Variants in PLBD2 observed in about 807,000 individuals in gnomAD.
PLBD2 encodes phospholipase B domain containing 2, also known as putative aminopeptidase PLBD2.
PLBD2 carries 51 observed loss-of-function variants against 68.3 expected under a neutral mutation model. The observed-to-expected ratio is 0.75, with a 90% CI of 0.60 to 0.94. The LOEUF is 0.94. Ranked by LOEUF, PLBD2 falls within the 40% of genes least tolerant of loss-of-function variation. The pLI, the probability that PLBD2 is intolerant of heterozygous loss-of-function variation, is 0.00. For synonymous variants in PLBD2, 314 were observed against 339.3 expected, an observed-to-expected ratio of 0.93 and a Z score of 0.82; for missense variants, 729 against 792.2, an observed-to-expected ratio of 0.92 and a Z score of 0.96.
Position 113,388,853 on chromosome 12 carries a change from C to T in PLBD2, c.*227C>T. On this transcript the variant is annotated 3_prime_UTR_variant, in exon 12 of 12. Transcript: ENST00000280800. Reference sequence around the variant, plus strand: ...CACCGTGGCGTCTCTTCTGCCCTGCCCTAAATCTCCCACTCTCTGTTTCTG... The same window carrying T: ...CACCGTGGCGTCTCTTCTGCCCTGCTCTAAATCTCCCACTCTCTGTTTCTG... 2.2e-6 allele frequency: 1 copy of T among 452,708 alleles called. No homozygotes were observed. The highest frequency in any genetic ancestry group is 2.0e-5 in the African/African-American group (1 of 49,348). The allele number at this position is 452,708 out of a possible 1,614,324, so 28.0% of individuals were successfully genotyped here.
intron 10 of PLBD2, 68 bp from the exon 11 acceptor site, chr12:113,387,676 G>A (rs1385324657): frequency 2.0e-6 from 3 of 1,528,716 alleles, no homozygotes; most frequent in African/African-American, 1.4e-5. Context: ...CTGCCTGTGA[G>A]GATTTTGGCC....
chr12:113,388,507 G>A lies in PLBD2; in HGVS notation c.1651G>A (p.Gly551Ser), dbSNP rs148942749. 234 of 1,607,266 alleles carry A rather than the reference G, an allele frequency of 1.5e-4. No homozygotes were observed. Among genetic ancestry groups the A allele is most frequent in the Non-Finnish European group, 1.7e-4 (204 of 1,178,532 alleles). The change falls in exon 12 of 12, where the codon GGT (glycine) becomes AGT (serine). Residue 551 changes from glycine (G) to serine (S), a missense_variant. Transcript: ENST00000280800. Reference sequence around the variant, plus strand: ...GATCCTGAGCCTGCTGGCGGCCAGCGGTCCCACGTGGGACCAGGTGCCCCC... The same window carrying A: ...GATCCTGAGCCTGCTGGCGGCCAGCAGTCCCACGTGGGACCAGGTGCCCCC... ...ARILSLLAAS[G>S]PTWDQVPPFQ...
chr12:113,364,427 A>G (rs1957323995), intron 1 of PLBD2, among the ~76,000 whole-genome samples: 1 of 148,522 alleles, frequency 6.7e-6, no homozygotes, highest in Non-Finnish European at 1.5e-5. Flanking sequence ...TCCTCCCATC[A>G]TCACACTCGC....
rs1320167166 is a variant in PLBD2 at position 113,389,407 on chromosome 12, G to C, written c.*781G>C. On this transcript the variant is annotated 3_prime_UTR_variant, in exon 12 of 12. Coordinates refer to ENST00000280800, the MANE Select transcript of PLBD2 (RefSeq NM_173542.4). ...ACAAGAGCGGCTGTGGCCCCATGCT[G>C]TGCTTCTTGGGGTGGCAGGGAAGGT... 6.6e-6 allele frequency: 1 copy of C among 152,302 alleles called. No individual in the cohort carries two copies. The highest frequency in any genetic ancestry group is 1.5e-5 in the Non-Finnish European group (1 of 68,224). 9.4% of individuals were successfully genotyped at this position (152,302 alleles called of 1,614,324 possible). A position where few individuals can be genotyped will look rare whatever the true frequency, so the allele number is the denominator to read the frequency against.
At chr12:113,387,136 A>C (rs1202780507) in intron 10 of PLBD2, 47 bp downstream of exon 10, 2 of 1,517,610 alleles carry the variant, frequency 1.3e-6, no homozygotes, top group South Asian at 2.6e-5. Flanking sequence ...GGCCGCAGGA[A>C]CACAGAACTT....
intron 2 of PLBD2, among the ~76,000 whole-genome samples, chr12:113,369,696 T>C (rs1419168197): frequency 6.6e-6 from 1 of 152,142 alleles, no homozygotes; most frequent in African/African-American, 2.4e-5. Context: ...ACATACTGTA[T>C]GATTCTGTTT....
Position 113,358,608 on chromosome 12 carries a change from G to A in PLBD2, c.8G>A (p.Gly3Asp). 3 of 1,469,924 alleles carry A rather than the reference G, an allele frequency of 2.0e-6. No individual in the cohort carries two copies. The highest frequency in any genetic ancestry group is 2.7e-6 in the Non-Finnish European group (3 of 1,119,062). The allele number at this position is 1,469,924 out of a possible 1,614,324, so 91.1% of individuals were successfully genotyped here. The change falls in exon 1 of 12, where the codon GGC becomes GAC. Residue 3 changes from glycine (G) to aspartate (D), a missense_variant. Transcript: ENST00000280800. ...GCGCAGCATTGTGCGGTCATGGTGG[G>A]CCAGATGTACTGCTACCCCGGCAGC... is the stretch of plus-strand genomic sequence containing the variant. MV[G>D]QMYCYPGSHL... is the part of the protein sequence containing the mutation.
chr12:113,374,495 C>T lies in PLBD2; in HGVS notation c.565C>T (p.Leu189=). The T allele has an allele frequency of 6.2e-7, 1 of 1,602,670 alleles. No homozygotes were observed. The highest frequency in any genetic ancestry group is 1.3e-5 in the African/African-American group (1 of 74,912). Reference sequence around the variant, plus strand: ...CTAGGTGCGGCTGACCCTCCTGCAGCTGAAAGGCCTGGAGGACAGCTACGA... The same window carrying T: ...CTAGGTGCGGCTGACCCTCCTGCAGTTGAAAGGCCTGGAGGACAGCTACGA... The part of the protein sequence containing the change: ...WHQVRLTLLQ[L]KGLEDSYEGR... Residue 189 remains leucine, a synonymous_variant, in exon 4 of 12, where the codon CTG becomes TTG. Coordinates refer to ENST00000280800, the MANE Select transcript of PLBD2 (RefSeq NM_173542.4).
chr12:113,371,254 G>A (rs185947025), intron 2 of PLBD2, among the ~76,000 whole-genome samples: 3 of 152,238 alleles, frequency 2.0e-5, no homozygotes, highest in Admixed American at 6.5e-5. Context: ...GGTGACCCAC[G>A]GACATGCACA....
intron 3 of PLBD2, among the ~76,000 whole-genome samples, chr12:113,373,456 C>T (rs1288402571): frequency 1.3e-5 from 2 of 152,224 alleles, no homozygotes; most frequent in Non-Finnish European, 2.9e-5. Context: ...CCATTTTCCT[C>T]TGTAGAACTT....
chr12:113,385,161 C>T lies in PLBD2; in HGVS notation c.1215-51C>T, dbSNP rs776287740. The stretch of plus-strand genomic sequence containing the variant: ...GGCTCCCCGAGCAGGGCAGTGCCCA[C>T]AGGAGCCCCTTTTCTGATCACCTCC... On this transcript the variant is annotated intron_variant, in intron 8 of 11. Coordinates refer to ENST00000280800, the MANE Select transcript of PLBD2 (RefSeq NM_173542.4). The T allele has an allele frequency of 3.8e-6, 6 of 1,586,436 alleles. No homozygotes were observed. The African/African-American group carries it at 8.1e-5, about 21-fold the overall frequency.
chr12:113,376,564 A>G (rs1221178014), intron 5 of PLBD2, among the ~76,000 whole-genome samples: 1 of 152,234 alleles, frequency 6.6e-6, no homozygotes, highest in African/African-American at 2.4e-5. Context: ...GCAGAGTCAC[A>G]TCACATATGG....
chr12:113,361,341 G>GTT (rs1371619529), intron 1 of PLBD2, among the ~76,000 whole-genome samples: 122 of 110,832 alleles, frequency 1.1e-3, no homozygotes, highest in East Asian at 1.6e-3. Context: ...TTTTTTTTTT[G>GTT]TTTTTTTTTT....
chr12:113,366,383 A>G (rs538407203), intron 1 of PLBD2, among the ~76,000 whole-genome samples: 114 of 152,374 alleles, frequency 7.5e-4, no homozygotes, highest in Non-Finnish European at 1.3e-3. Flanking sequence ...GATATCTAGC[A>G]CCGTGAAGGA....
At position 113,384,555 on chromosome 12, in the gene PLBD2, G is replaced by A. The variant is rs1957530477; in HGVS notation, c.1118+290G>A. ...GGGCTGTTTGAGGAGGTGGACGTGGGTGGGTGGCAGGGCCTGTGAGCCAGA... is the reference window on the plus strand; with the variant it reads ...GGGCTGTTTGAGGAGGTGGACGTGGATGGGTGGCAGGGCCTGTGAGCCAGA... On this transcript the variant is annotated intron_variant, in intron 7 of 11. Coordinates refer to ENST00000280800, the MANE Select transcript of PLBD2 (RefSeq NM_173542.4). The surrounding 1 kb of genome is among the most constrained non-coding windows in gnomAD (Gnocchi z 4.2). Among the ~76,000 whole-genome samples the A allele has an allele frequency of 6.6e-6, 1 of 152,200 alleles. No homozygotes were observed. Among genetic ancestry groups the A allele is most frequent in the African/African-American group, 2.4e-5 (1 of 41,454 alleles).
At position 113,372,577 on chromosome 12, in the gene PLBD2, TGG is replaced by T; in HGVS notation, c.385-70_385-69del. On this transcript the variant is annotated intron_variant, in intron 2 of 11. Coordinates refer to ENST00000280800, the MANE Select transcript of PLBD2 (RefSeq NM_173542.4). This position sits in a 1 kb window ranked among gnomAD's most constrained non-coding sequence, Gnocchi z 4.2. ...CAGCAGCCTCCGCTCTGGGGCAGCC[TGG>T]GTGGGGGGCTCTCAGGGAAGAGAGC... 1 of 1,529,688 alleles carries T rather than the reference TGG, an allele frequency of 6.5e-7. No homozygotes were observed. Among genetic ancestry groups the T allele is most frequent in the Non-Finnish European group, 8.9e-7 (1 of 1,123,308 alleles). The allele number at this position is 1,529,688 out of a possible 1,614,324, so 94.8% of individuals were successfully genotyped here. A position where few individuals can be genotyped will look rare whatever the true frequency, so the allele number is the denominator to read the frequency against.
intron 2 of PLBD2, among the ~76,000 whole-genome samples, chr12:113,369,968 C>T (rs148674989): frequency 2.0e-5 from 3 of 150,576 alleles, no homozygotes; most frequent in Admixed American, 6.6e-5. Context: ...GGTGTGATCT[C>T]GGCTCACTGC....
intron 1 of PLBD2, among the ~76,000 whole-genome samples, chr12:113,365,253 A>G (rs1288379251): frequency 6.6e-6 from 1 of 151,942 alleles, no homozygotes; most frequent in Non-Finnish European, 1.5e-5. Flanking sequence ...TAACTGTATT[A>G]TGTGGGAGCC....
chr12:113,375,470 T>G (rs1399441824), intron 5 of PLBD2, among the ~76,000 whole-genome samples: 2 of 152,222 alleles, frequency 1.3e-5, no homozygotes, highest in African/African-American at 4.8e-5. Context: ...TTGTTTTACA[T>G]GTTTATTGCC....
Sources: gnomAD v4.1 joint callset for allele counts (sites outside exome capture counted in the v4.1 genomes callset) on GRCh38, gnomAD v4.1.1 for gene constraint, Gnocchi (gnomAD v3.1) non-coding constraint, MANE v1.5 for transcripts, NCBI Gene and HGNC (gene_info 2026-07-23, HGNC 2026-07-21) for gene names.